The following LEMD1 variants were observed in gnomAD, a reference collection of about 807,000 sequenced individuals.
LEMD1 encodes LEM domain-containing protein 1.
Under a neutral mutation model 17.4 loss-of-function variants are expected in LEMD1, and 18 were observed. The ratio of observed to expected loss-of-function variants is 1.04; its 90% confidence interval spans 0.72 to 1.54. The LOEUF (loss-of-function observed/expected upper bound fraction) is 1.54, where lower values mean the gene tolerates loss of function less well. LEMD1 is among the 40% of genes most tolerant of loss of function. The probability of loss-of-function intolerance (pLI) is 0.00; values close to 1 mark genes in which losing one functional copy is unlikely to be tolerated. For missense variants in LEMD1, 195 were observed against 210.4 expected, an observed-to-expected ratio of 0.93 and a Z score of 0.45; for synonymous variants, 88 against 77.8, an observed-to-expected ratio of 1.13 and a Z score of -0.69.
At chr1:205,396,301 C>T (rs1399816724) in intron 4 of LEMD1, among the ~76,000 whole-genome samples, 3 of 152,176 alleles carry the variant, frequency 2.0e-5, no homozygotes, top group Non-Finnish European at 4.4e-5. Context: ...CATTAGCTAC[C>T]ATGCCCAGCC....
At chr1:205,422,241 T>C (rs1190876512), upstream of LEMD1, among the ~76,000 whole-genome samples, 2 of 152,116 alleles carry the variant, frequency 1.3e-5, no homozygotes, top group Non-Finnish European at 2.9e-5. Context: ...CATGATACAA[T>C]GTCAAGAGAT....
upstream of LEMD1, among the ~76,000 whole-genome samples, chr1:205,426,116 A>T (rs1397467223): frequency 1.3e-5 from 2 of 152,178 alleles, no homozygotes; most frequent in East Asian, 3.9e-4. Flanking sequence ...AGTTAGGAAG[A>T]TATCCATCTA....
intron 4 of LEMD1, among the ~76,000 whole-genome samples, chr1:205,395,525 T>C (rs545859469): frequency 4.7e-5 from 7 of 149,234 alleles, no homozygotes; most frequent in South Asian, 2.1e-4. Context: ...ACCTGGGAGA[T>C]GGATGTTGCG....
intron 1 of LEMD1, among the ~76,000 whole-genome samples, chr1:205,445,029 A>C (rs1211999250): frequency 6.6e-6 from 1 of 152,048 alleles, no homozygotes; most frequent in Non-Finnish European, 1.5e-5. Context: ...TTAAAATATG[A>C]ATTCACCTTC....
chr1:205,416,590 C>T (rs1558732748), intron 3 of LEMD1, among the ~76,000 whole-genome samples: 1 of 152,106 alleles, frequency 6.6e-6, no homozygotes, highest in African/African-American at 2.4e-5. Context: ...AGTCATTGTC[C>T]CTTTGAACCA....
At chr1:205,437,088 G>A (rs1558742318) in intron 1 of LEMD1, 1 of 152,532 alleles carries the variant, frequency 6.6e-6, no homozygotes, top group Non-Finnish European at 1.5e-5. Context: ...CACATCTCCA[G>A]CCACTGGGCA....
At chr1:205,432,302 T>C (rs1230554613) in intron 1 of LEMD1, among the ~76,000 whole-genome samples, 1 of 152,176 alleles carries the variant, frequency 6.6e-6, no homozygotes, top group African/African-American at 2.4e-5. Context: ...CAGCCACTCC[T>C]CCTTTGTGTG....
At chr1:205,406,067 T>C (rs947773122) in intron 4 of LEMD1, among the ~76,000 whole-genome samples, 1 of 152,228 alleles carries the variant, frequency 6.6e-6, no homozygotes, top group Non-Finnish European at 1.5e-5. Context: ...TCTGGAAGTT[T>C]TGTCTCAGAG....
chr1:205,449,565 CCAA>C (rs1268755012), intron 1 of LEMD1, among the ~76,000 whole-genome samples: 4 of 152,170 alleles, frequency 2.6e-5, no homozygotes, highest in Admixed American at 2.6e-4. Flanking sequence ...CCTGCATTCC[CCAA>C]CAACAGCACA....
chr1:205,433,978 T>G (rs1303212449), intron 1 of LEMD1, among the ~76,000 whole-genome samples: 1 of 152,256 alleles, frequency 6.6e-6, no homozygotes, highest in Non-Finnish European at 1.5e-5. Flanking sequence ...TTGGAATCTC[T>G]GTTCCCCCAT....
chr1:205,388,524 A>AT (rs1283649281), intron 4 of LEMD1, among the ~76,000 whole-genome samples: 3 of 152,172 alleles, frequency 2.0e-5, no homozygotes, highest in African/African-American at 7.2e-5. Flanking sequence ...CTAGGAGGTA[A>AT]TTATTACAGT....
chr1:205,397,905 A>G (rs1372456087), intron 4 of LEMD1, among the ~76,000 whole-genome samples: 4 of 152,222 alleles, frequency 2.6e-5, no homozygotes, highest in African/African-American at 7.2e-5. Flanking sequence ...TTTTATGAAA[A>G]TAAGTAAGTT....
In LEMD1 at chr1:205,381,684, C is replaced by A. The variant is rs1663699856; in HGVS notation, c.520G>T (p.Val174Leu). 6.2e-7 allele frequency: 1 copy of A among 1,614,228 alleles called. No homozygotes were observed. Among genetic ancestry groups the A allele is most frequent in the African/African-American group, 1.3e-5 (1 of 75,056 alleles). The change falls in exon 6 of 6, where the codon GTG (valine) becomes TTG (leucine). Residue 174 changes from valine to leucine, a missense_variant. Transcript: ENST00000367153. Reference protein sequence around the residue: ...FIIVVFVYLTVENKSLFG With the variant: ...FIIVVFVYLTLENKSLFG The stretch of plus-strand genomic sequence containing the variant: ...TAACCAAACAGCGACTTATTTTCCA[C>A]AGTCAGGTAGACAAACACCACAATG...
rs950110233 is a variant in LEMD1, at chr1:205,448,776, C to G, written c.-39+1092G>C. Reference sequence around the variant, plus strand: ...TTTTCAAGGCTGCTGCTGCCAGTACCCAGGATGGGGGGCCCCAGGTTAGGC... The same window carrying G: ...TTTTCAAGGCTGCTGCTGCCAGTACGCAGGATGGGGGGCCCCAGGTTAGGC... On this transcript the variant is annotated intron_variant, in intron 1 of 3. Transcript: ENST00000367154. The surrounding 1 kb of genome is among the most constrained non-coding windows in gnomAD (Gnocchi z 4.7). Among the ~76,000 whole-genome samples the G allele has an allele frequency of 5.3e-5, 8 of 152,160 alleles. No individual in the cohort carries two copies. The highest frequency in any genetic ancestry group is 1.9e-4 in the African/African-American group (8 of 41,430).
At chr1:205,417,027 T>C (rs1041004423) in intron 3 of LEMD1, among the ~76,000 whole-genome samples, 3 of 152,130 alleles carry the variant, frequency 2.0e-5, no homozygotes, top group Admixed American at 6.5e-5. Context: ...GGTGTTTCCA[T>C]GAAAGGAGAA....
At chr1:205,424,690 C>A (rs929663238), upstream of LEMD1, among the ~76,000 whole-genome samples, 1 of 152,184 alleles carries the variant, frequency 6.6e-6, no homozygotes, top group African/African-American at 2.4e-5. Context: ...GCCCTATAAA[C>A]AACGGGCTGG....
chr1:205,428,215 T>C (rs1666081609), intron 1 of LEMD1, among the ~76,000 whole-genome samples: 3 of 152,168 alleles, frequency 2.0e-5, no homozygotes, highest in African/African-American at 4.8e-5. Context: ...GAAACCCACA[T>C]ATACCCCTCA....
chr1:205,382,223 C>T (rs537795039), intron 5 of LEMD1: 71 of 194,614 alleles, frequency 3.6e-4, no homozygotes, highest in African/African-American at 1.6e-3. Flanking sequence ...GTAATTCCAG[C>T]ACTTTGGGAG....
intron 4 of LEMD1, chr1:205,386,637 G>GTT (rs1664043773): frequency 6.6e-6 from 1 of 152,234 alleles, no homozygotes; most frequent in Non-Finnish European, 1.5e-5. Flanking sequence ...GTTCTCAACA[G>GTT]TGGTTTAGCG....
Sources: allele counts gnomAD v4.1 joint callset (sites outside exome capture counted in the v4.1 genomes callset), GRCh38; gene constraint gnomAD v4.1.1; non-coding constraint Gnocchi (gnomAD v3.1); transcripts MANE v1.5; gene names NCBI Gene and HGNC (gene_info 2026-07-23, HGNC 2026-07-21).